The following RAD51B variants were observed in gnomAD, a reference collection of about 807,000 sequenced individuals.
RAD51B encodes the protein RAD51 paralog B.
Under a neutral mutation model 42.2 loss-of-function variants are expected in RAD51B, and 38 were observed. The observed-to-expected ratio is 0.90, with a 90% CI of 0.70 to 1.18. RAD51B has a LOEUF of 1.18. Among genes scored for constraint, RAD51B ranks in the 50% most tolerant of loss-of-function variants. RAD51B has a pLI of 0.00. For missense variants in RAD51B, 373 were observed against 400.7 expected (o/e 0.93, Z 0.59); for synonymous variants, 154 against 145.2 (o/e 1.06, Z -0.43).
At chr14:68,435,495 T>TG (rs1303883062) in intron 9 of RAD51B, among the ~76,000 whole-genome samples, 5 of 148,620 alleles carry the variant, frequency 3.4e-5, no homozygotes, top group Non-Finnish European at 7.4e-5. Context: ...GTTTTTGGTT[T>TG]TTTTTTTTTT....
At chr14:68,545,040 C>T (rs919291938) in intron 10 of RAD51B, among the ~76,000 whole-genome samples, 1 of 152,152 alleles carries the variant, frequency 6.6e-6, no homozygotes, top group African/African-American at 2.4e-5. Flanking sequence ...AATATTCTGT[C>T]ACTAGGATGA....
At chr14:67,999,943 C>T (rs961613927) in intron 7 of RAD51B, among the ~76,000 whole-genome samples, 1 of 152,142 alleles carries the variant, frequency 6.6e-6, no homozygotes, top group Admixed American at 6.5e-5. Context: ...GCTGTAAATA[C>T]ACTTATGAAT....
intron 9 of RAD51B, among the ~76,000 whole-genome samples, chr14:68,445,896 T>G (rs544039085): frequency 6.8e-4 from 103 of 152,336 alleles, no homozygotes; most frequent in Non-Finnish European, 1.2e-3. Context: ...GGTGTTGGAC[T>G]GAGAACGGTT....
chr14:68,410,889 T>C (rs1566866964), intron 8 of RAD51B, among the ~76,000 whole-genome samples: 1 of 152,146 alleles, frequency 6.6e-6, no homozygotes, highest in Non-Finnish European at 1.5e-5. Flanking sequence ...CTAAAACAGC[T>C]TACCTATGAA....
intron 10 of RAD51B, among the ~76,000 whole-genome samples, chr14:68,508,904 A>C (rs1468738740): frequency 6.6e-6 from 1 of 152,250 alleles, no homozygotes; most frequent in Non-Finnish European, 1.5e-5. Context: ...AGGGAAGGGC[A>C]AGGTGACCCT....
intron 7 of RAD51B, among the ~76,000 whole-genome samples, chr14:67,905,563 TTGTTTG>T (rs1290081993): frequency 8.5e-5 from 13 of 152,122 alleles, no homozygotes; most frequent in Non-Finnish European, 1.5e-4. Context: ...GTTTTTCCAT[TTGTTTG>T]TGTCATCTCT....
chr14:67,830,436 C>T (rs1372112252), intron 3 of RAD51B, among the ~76,000 whole-genome samples: 1 of 152,084 alleles, frequency 6.6e-6, no homozygotes, highest in Non-Finnish European at 1.5e-5. Flanking sequence ...GAGTCTCGCA[C>T]TGTTGCCCAG....
intron 10 of RAD51B, among the ~76,000 whole-genome samples, chr14:68,510,164 C>G (rs1242780429): frequency 2.0e-5 from 3 of 152,204 alleles, no homozygotes; most frequent in Admixed American, 1.3e-4. Context: ...TGCCACTCCC[C>G]ATCCAGGGCT....
At position 68,675,329 on chromosome 14, in the gene RAD51B, T is replaced by A. The variant is rs145312651; in HGVS notation, c.*11+24473T>A. Among the ~76,000 whole-genome samples the A allele has an allele frequency of 1.1e-3, 169 of 152,260 alleles. No individual in the cohort carries two copies. In the East Asian group the frequency reaches 0.031, roughly 28 times the overall value. On this transcript the variant is annotated intron_variant, in intron 11 of 11. Transcript: ENST00000488612. ...GTCTCCTGAACTTATCTGGCACAGA[T>A]CCAACATGGTGCCACAGGATGGTTT...
At chr14:68,469,055 CA>C in intron 10 of RAD51B, 1 of 493,886 alleles carries the variant, frequency 2.0e-6, no homozygotes, top group Non-Finnish European at 4.1e-6. Context: ...AGGATCTGCA[CA>C]GAAGTGCTCA....
intron 4 of RAD51B, among the ~76,000 whole-genome samples, chr14:67,835,547 G>A (rs201656269): frequency 2.0e-4 from 12 of 60,984 alleles, no homozygotes; most frequent in East Asian, 1.6e-3. Flanking sequence ...ATGTACACAC[G>A]TCACATATAT....
At chr14:67,915,284 G>A (rs1190856308) in intron 7 of RAD51B, among the ~76,000 whole-genome samples, 2 of 152,154 alleles carry the variant, frequency 1.3e-5, no homozygotes, top group African/African-American at 4.8e-5. Flanking sequence ...TCAGAAGAAG[G>A]GGGGGATTAG....
chr14:68,496,118 T>C (rs1388567099), intron 10 of RAD51B, among the ~76,000 whole-genome samples: 1 of 152,232 alleles, frequency 6.6e-6, no homozygotes, highest in Non-Finnish European at 1.5e-5. Context: ...CAAACGGTGA[T>C]GTGTCCATCC....
rs112185950 is a variant in RAD51B at position 68,680,840 on chromosome 14, C to T, written c.*11+29984C>T. Among the ~76,000 whole-genome samples, 1,402 of 151,606 alleles carry T rather than the reference C, an allele frequency of 9.2e-3. 10 individuals carry two copies. Among genetic ancestry groups the T allele is most frequent in the African/African-American group, 0.026 (1,068 of 41,294 alleles). ...GTAAGCTGAGAGTGAGGCCCAGAGG[C>T]GTTCATAATGTAATATACTAAGTTT... On this transcript the variant is annotated intron_variant, in intron 11 of 11. Coordinates refer to the RAD51B transcript ENST00000488612.
At chr14:68,180,838 C>A (rs1595517892) in intron 7 of RAD51B, among the ~76,000 whole-genome samples, 2 of 152,162 alleles carry the variant, frequency 1.3e-5, no homozygotes, top group East Asian at 3.9e-4. Context: ...CTTTTCTGGG[C>A]AGGAACAACC....
intron 7 of RAD51B, among the ~76,000 whole-genome samples, chr14:68,132,242 T>C (rs1595445922): frequency 6.6e-6 from 1 of 152,140 alleles, no homozygotes; most frequent in South Asian, 2.1e-4. Flanking sequence ...TTCAGTGGGG[T>C]AGAGGTAATT....
At chr14:67,901,266 C>T (rs796564311) in intron 7 of RAD51B, among the ~76,000 whole-genome samples, 32 of 152,224 alleles carry the variant, frequency 2.1e-4, no homozygotes, top group African/African-American at 6.5e-4. Context: ...AACCACAATG[C>T]GAATGTCATG....
At chr14:68,220,847 C>A (rs2079911507) in intron 7 of RAD51B, among the ~76,000 whole-genome samples, 1 of 152,098 alleles carries the variant, frequency 6.6e-6, no homozygotes, top group African/African-American at 2.4e-5. Context: ...AAGAACTCAA[C>A]CCCGGCCAGG....
chr14:68,315,960 G>A (rs764821165), intron 8 of RAD51B, among the ~76,000 whole-genome samples: 3 of 152,126 alleles, frequency 2.0e-5, no homozygotes, highest in Non-Finnish European at 2.9e-5. Flanking sequence ...TGCTCTTTTC[G>A]TAGTGTTGTA....
Sources: allele counts gnomAD v4.1 joint callset (sites outside exome capture counted in the v4.1 genomes callset), GRCh38; gene constraint gnomAD v4.1.1; transcripts MANE v1.5; gene names NCBI Gene and HGNC (gene_info 2026-07-23, HGNC 2026-07-21).